The following RNF212 variants were observed in gnomAD, a reference collection of about 807,000 sequenced individuals.
The protein encoded by RNF212 is ring finger protein 212, also known as probable E3 SUMO-protein ligase RNF212.
Under a neutral mutation model 34.7 loss-of-function variants are expected in RNF212, and 33 were observed. That is an observed-to-expected ratio of 0.95 (90% CI 0.72 to 1.27). The LOEUF (loss-of-function observed/expected upper bound fraction) is 1.27, where lower values mean the gene tolerates loss of function less well. Ranked by LOEUF, RNF212 falls within the 50% of genes most tolerant of loss-of-function variation. The probability of loss-of-function intolerance (pLI) is 0.00; values close to 1 mark genes in which losing one functional copy is unlikely to be tolerated. For missense variants in RNF212, 377 were observed against 362.2 expected (o/e 1.04, Z -0.33); for synonymous variants, 140 against 136.1 (o/e 1.03, Z -0.20).
At chr4:1,107,053 A>C (rs1327742988) in intron 2 of RNF212, among the ~76,000 whole-genome samples, 11 of 151,758 alleles carry the variant, frequency 7.2e-5, no homozygotes, top group Non-Finnish European at 1.6e-4. Context: ...CTGAGAAGAT[A>C]CCATTTTTTT....
intron 2 of RNF212, among the ~76,000 whole-genome samples, chr4:1,104,180 T>TA (rs1400645292): frequency 6.6e-6 from 1 of 152,200 alleles, no homozygotes; most frequent in Non-Finnish European, 1.5e-5. Flanking sequence ...TAAAGAACAG[T>TA]AAGTCCACAA....
intron 4 of RNF212, among the ~76,000 whole-genome samples, chr4:1,087,910 C>T (rs1721598063): frequency 1.3e-5 from 2 of 152,082 alleles, no homozygotes; most frequent in African/African-American, 4.8e-5. Context: ...CTGAGGCCTT[C>T]CCAGCCATGC....
chr4:1,096,988 G>A (rs1723166432), intron 2 of RNF212, 149 bp from the exon 3 acceptor site: 3 of 675,670 alleles, frequency 4.4e-6, no homozygotes, highest in East Asian at 2.6e-5. Context: ...GCCCTGCCAG[G>A]GACAGCCTCG....
intron 3 of RNF212, among the ~76,000 whole-genome samples, chr4:1,062,706 A>G (rs1717827764): frequency 6.6e-6 from 1 of 152,214 alleles, no homozygotes; most frequent in African/African-American, 2.4e-5. Context: ...GGAAGTGAAA[A>G]GATAAAAATA....
chr4:1,081,046 AAAG>A (rs1482940695), intron 7 of RNF212, among the ~76,000 whole-genome samples: 5 of 152,196 alleles, frequency 3.3e-5, no homozygotes, highest in Admixed American at 2.0e-4. Context: ...CCCCCAGGTG[AAAG>A]AAGGATTCCA....
At position 1,085,250 on chromosome 4, in the gene RNF212, C is replaced by A. The variant is rs539972433; in HGVS notation, c.362+646G>T. 9.8e-4 allele frequency among the ~76,000 whole-genome samples: 150 copies of A among 152,332 alleles called. 1 individual carries two copies. Among genetic ancestry groups the A allele is most frequent in the African/African-American group, 3.5e-3 (147 of 41,580 alleles). Reference sequence around the variant, plus strand: ...ACTGAACTCTGGCCTGTTATTGATTCCAAATTCCAGAAATGGAATGCAGTA... The same window carrying A: ...ACTGAACTCTGGCCTGTTATTGATTACAAATTCCAGAAATGGAATGCAGTA... On this transcript the variant is annotated intron_variant, in intron 5 of 9. Transcript: ENST00000433731.
intron 3 of RNF212, 67 bp from the exon 4 acceptor site, chr4:1,090,905 GGGA>G: frequency 3.0e-6 from 3 of 996,976 alleles, no homozygotes; most frequent in Non-Finnish European, 4.8e-6. Flanking sequence ...GTTTTGTTGG[GGGA>G]GGAGGAGGCT....
chr4:1,063,355 G>A (rs150599718), intron 3 of RNF212, among the ~76,000 whole-genome samples: 169 of 152,290 alleles, frequency 1.1e-3, no homozygotes, highest in Admixed American at 2.1e-3. Flanking sequence ...ACTTAAAGCA[G>A]CAAGAGAAGA....
chr4:1,084,011 T>A (rs954035583), intron 5 of RNF212, among the ~76,000 whole-genome samples: 2 of 148,936 alleles, frequency 1.3e-5, no homozygotes, highest in African/African-American at 4.9e-5. Context: ...TGCAATGGCA[T>A]GATCTTGGCT....
At chr4:1,081,341 G>T in intron 7 of RNF212, 78 bp downstream of exon 7, 1 of 1,223,476 alleles carries the variant, frequency 8.2e-7, no homozygotes, top group Non-Finnish European at 1.2e-6. Context: ...TGGAGAGGGG[G>T]TGGGGTTGGG....
At chr4:1,081,689 A>T in intron 5 of RNF212, 70 bp from the exon 6 acceptor site, 1 of 1,056,522 alleles carries the variant, frequency 9.5e-7, no homozygotes, top group Non-Finnish European at 1.5e-6. Context: ...ATCCCAACTG[A>T]AAGTGTAAGA....
intron 3 of RNF212, among the ~76,000 whole-genome samples, chr4:1,092,858 T>A (rs1273004754): frequency 6.6e-6 from 1 of 152,232 alleles, no homozygotes; most frequent in African/African-American, 2.4e-5. Context: ...ACGCGGACTC[T>A]CGCCAAGAGG....
Position 1,074,938 on chromosome 4 carries a change from A to G in RNF212, c.511-1276T>C, listed in dbSNP as rs532988017. Among the ~76,000 whole-genome samples the G allele has an allele frequency of 5.9e-5, 9 of 152,318 alleles. No individual in the cohort carries two copies. In the South Asian group the frequency reaches 1.7e-3, roughly 28 times the overall value. ...CCTTCCATCCGCTAGGATGTCTTCA[A>G]TATCAAGTTCATCCTAAGAATCCCC... On this transcript the variant is annotated intron_variant, in intron 8 of 9. Transcript: ENST00000433731.
chr4:1,096,633 C>T lies in RNF212; in HGVS notation c.246+132G>A, dbSNP rs662732. 0.05 allele frequency: 29,645 copies of T among 597,918 alleles called. 1,606 individuals carry two copies. Among genetic ancestry groups the T allele is most frequent in the African/African-American group, 0.2 (6,130 of 30,378 alleles). 37.0% of individuals were successfully genotyped at this position (597,918 alleles called of 1,614,324 possible). On this transcript the variant is annotated intron_variant, in intron 3 of 9. Coordinates refer to ENST00000433731, the MANE Select transcript of RNF212 (RefSeq NM_001131034.4). ...GGCTCATCACAGAACCAAGCACACCCCTCACAGCTCCATGGTCTCGGGATA... is the reference window on the plus strand; with the variant it reads ...GGCTCATCACAGAACCAAGCACACCTCTCACAGCTCCATGGTCTCGGGATA...
chr4:1,086,510 C>T (rs1216238630), intron 4 of RNF212, among the ~76,000 whole-genome samples: 1 of 139,460 alleles, frequency 7.2e-6, no homozygotes, highest in East Asian at 2.1e-4. Flanking sequence ...AAGAAGCCTC[C>T]AGGCAGGGTT....
rs1353387815 is a variant in RNF212, at chr4:1,071,898, C to G, written c.*976G>C. On this transcript the variant is annotated 3_prime_UTR_variant, in exon 10 of 10. Transcript: ENST00000433731. ...ACTAAACACCCTCTCACCATCTGAT[C>G]CAGCATTCACACTCCTTAGTATTTA... The G allele has an allele frequency of 1.3e-5, 2 of 152,204 alleles. No individual in the cohort carries two copies. Among genetic ancestry groups the G allele is most frequent in the Non-Finnish European group, 2.9e-5 (2 of 68,052 alleles). The allele number at this position is 152,204 out of a possible 1,614,324, so 9.4% of individuals were successfully genotyped here. A position where few individuals can be genotyped will look rare whatever the true frequency, so the allele number is the denominator to read the frequency against.
chr4:1,064,240 G>C (rs1025261763), intron 3 of RNF212, among the ~76,000 whole-genome samples: 1 of 152,182 alleles, frequency 6.6e-6, no homozygotes, highest in African/African-American at 2.4e-5. Flanking sequence ...TGACAAAGCA[G>C]GTGGGAGGAA....
At chr4:1,069,000 G>A (rs781160000), downstream of RNF212, among the ~76,000 whole-genome samples, 2 of 152,142 alleles carry the variant, frequency 1.3e-5, no homozygotes, top group Non-Finnish European at 2.9e-5. Flanking sequence ...CTAAGCTCAG[G>A]AGTTTGAGAC....
intron 4 of RNF212, among the ~76,000 whole-genome samples, chr4:1,086,499 CAAG>C (rs1305636527): frequency 7.1e-6 from 1 of 140,590 alleles, no homozygotes; most frequent in African/African-American, 2.7e-5. Context: ...CTGGCTCCTG[CAAG>C]AAGCCTCCAG....
Sources: gnomAD v4.1 joint callset for allele counts (sites outside exome capture counted in the v4.1 genomes callset) on GRCh38, gnomAD v4.1.1 for gene constraint, MANE v1.5 for transcripts, NCBI Gene and HGNC (gene_info 2026-07-23, HGNC 2026-07-21) for gene names.